The following POLR3G variants were observed in gnomAD, a reference collection of about 807,000 sequenced individuals.
The protein encoded by POLR3G is RNA polymerase III subunit G.
POLR3G carries 28 observed loss-of-function variants against 30.1 expected under a neutral mutation model. The ratio of observed to expected loss-of-function variants is 0.93; its 90% confidence interval spans 0.69 to 1.27. The LOEUF (loss-of-function observed/expected upper bound fraction) is 1.27, where lower values mean the gene tolerates loss of function less well. Ranked by LOEUF, POLR3G falls within the 50% of genes most tolerant of loss-of-function variation. The probability of loss-of-function intolerance (pLI) is 0.00; values close to 1 mark genes in which losing one functional copy is unlikely to be tolerated. For synonymous variants in POLR3G, 79 were observed against 82.5 expected (o/e 0.96, Z 0.23); for missense variants, 254 against 264.6 (o/e 0.96, Z 0.28).
chr5:90,486,107 TC>T (rs1223742484), intron 2 of POLR3G, among the ~76,000 whole-genome samples: 1 of 152,204 alleles, frequency 6.6e-6, no homozygotes, highest in Non-Finnish European at 1.5e-5. Flanking sequence ...CTTGACTTTT[TC>T]CCCCACTGAA....
At chr5:90,477,238 G>A (rs372797258) in intron 1 of POLR3G, among the ~76,000 whole-genome samples, 1 of 152,326 alleles carries the variant, frequency 6.6e-6, no homozygotes, top group East Asian at 1.9e-4. Context: ...GGCTTAAGTG[G>A]ATGTGGCAGG....
At chr5:90,495,961 A>T (rs921882459) in intron 4 of POLR3G, among the ~76,000 whole-genome samples, 1 of 151,148 alleles carries the variant, frequency 6.6e-6, no homozygotes, top group African/African-American at 2.4e-5. Flanking sequence ...ATATATATGT[A>T]TATTTTATTT....
At chr5:90,474,109 G>C (rs1392265213), upstream of POLR3G, 16 of 1,578,432 alleles carry the variant, frequency 1.0e-5, no homozygotes, top group Non-Finnish European at 1.4e-5. Context: ...TCCTGCAAGA[G>C]GCCGGAGGAG....
chr5:90,490,275 T>G (rs1004404110), intron 3 of POLR3G, among the ~76,000 whole-genome samples: 459 of 32,060 alleles, frequency 0.014, 5 homozygotes, highest in African/African-American at 0.04. Flanking sequence ...AATATAAGGG[T>G]TTTTTTTTTT....
chr5:90,490,031 C>T (rs140049466), intron 3 of POLR3G, among the ~76,000 whole-genome samples: 5 of 151,996 alleles, frequency 3.3e-5, no homozygotes, highest in African/African-American at 7.2e-5. Context: ...TGCTTGAACC[C>T]GAGAGGTGGA....
At chr5:90,506,449 A>G in intron 6 of POLR3G, 79 bp from the exon 7 acceptor site, 2 of 1,501,252 alleles carry the variant, frequency 1.3e-6, no homozygotes, top group Admixed American at 2.1e-5. Context: ...GGTGATAGAT[A>G]ACTGTTCCCT....
intron 5 of POLR3G, among the ~76,000 whole-genome samples, chr5:90,501,578 T>C (rs761901040): frequency 6.6e-6 from 1 of 152,204 alleles, no homozygotes; most frequent in Non-Finnish European, 1.5e-5. Flanking sequence ...CACTATACTC[T>C]TGGTACTTCT....
chr5:90,496,242 A>ATAG (rs1443537436), intron 4 of POLR3G, among the ~76,000 whole-genome samples: 2 of 152,212 alleles, frequency 1.3e-5, no homozygotes, highest in African/African-American at 4.8e-5. Flanking sequence ...TGCTGGGATT[A>ATAG]CAGGCATGAG....
Position 90,513,016 on chromosome 5 carries a change from A to C in POLR3G, c.*877A>C, listed in dbSNP as rs1752808008. 6.6e-6 allele frequency: 1 copy of C among 152,110 alleles called. No homozygotes were observed. The highest frequency in any genetic ancestry group is 1.5e-5 in the Non-Finnish European group (1 of 67,964). 9.4% of individuals were successfully genotyped at this position (152,110 alleles called of 1,614,324 possible). A position where few individuals can be genotyped will look rare whatever the true frequency, so the allele number is the denominator to read the frequency against. Reference sequence around the variant, plus strand: ...TATGTTTCAGAGTACTCAAGTGTACAATTGATTTATATAAAAATGCAAAAT... The same window carrying C: ...TATGTTTCAGAGTACTCAAGTGTACCATTGATTTATATAAAAATGCAAAAT... On this transcript the variant is annotated 3_prime_UTR_variant, in exon 8 of 8. Transcript: ENST00000651687.
chr5:90,478,016 G>A (rs1750922275), intron 1 of POLR3G, among the ~76,000 whole-genome samples: 1 of 152,188 alleles, frequency 6.6e-6, no homozygotes. Context: ...AATGTGAATT[G>A]GCCTTTTGTT....
chr5:90,511,448 C>T (rs1035632720), intron 7 of POLR3G, among the ~76,000 whole-genome samples: 2 of 151,606 alleles, frequency 1.3e-5, no homozygotes, highest in Non-Finnish European at 1.5e-5. Context: ...TACTGGAGGC[C>T]CGGAAAAATA....
intron 7 of POLR3G, among the ~76,000 whole-genome samples, chr5:90,510,530 AT>A (rs1195848398): frequency 1.3e-5 from 2 of 152,094 alleles, no homozygotes; most frequent in African/African-American, 4.8e-5. Flanking sequence ...TCTCCACTTT[AT>A]GTACAAATCG....
chr5:90,493,943 A>G (rs887846067), intron 3 of POLR3G, among the ~76,000 whole-genome samples: 5 of 151,528 alleles, frequency 3.3e-5, no homozygotes, highest in African/African-American at 1.2e-4. Flanking sequence ...CTCCTGACCT[A>G]TTAGCAATCT....
chr5:90,483,270 CCT>C (rs1338852088), intron 1 of POLR3G, among the ~76,000 whole-genome samples: 3 of 152,156 alleles, frequency 2.0e-5, no homozygotes, highest in East Asian at 1.9e-4. Context: ...TTGCAATTCC[CCT>C]GTCTTGATAA....
At chr5:90,494,377 A>G (rs1368280661) in intron 3 of POLR3G, among the ~76,000 whole-genome samples, 1 of 152,152 alleles carries the variant, frequency 6.6e-6, no homozygotes, top group African/African-American at 2.4e-5. Context: ...ATTCATGTAC[A>G]TGTTTTATGT....
intron 1 of POLR3G, among the ~76,000 whole-genome samples, chr5:90,484,128 G>C (rs549273689): frequency 6.6e-6 from 1 of 152,190 alleles, no homozygotes; most frequent in Non-Finnish European, 1.5e-5. Context: ...GATCTGGATT[G>C]ATTGGTTCAG....
chr5:90,496,300 G>A (rs530189710), intron 4 of POLR3G, among the ~76,000 whole-genome samples: 5 of 152,234 alleles, frequency 3.3e-5, no homozygotes, highest in African/African-American at 1.2e-4. Context: ...AATAGGACAG[G>A]CCAAACAAAC....
intron 7 of POLR3G, among the ~76,000 whole-genome samples, chr5:90,510,670 T>C (rs1752695887): frequency 6.6e-6 from 1 of 152,052 alleles, no homozygotes; most frequent in South Asian, 2.1e-4. Context: ...TGTCTAAATA[T>C]TGCCAAATTT....
intron 1 of POLR3G, 147 bp downstream of exon 1, chr5:90,475,167 C>A (rs1750731493): frequency 6.6e-6 from 1 of 152,268 alleles, no homozygotes; most frequent in African/African-American, 2.4e-5. Flanking sequence ...TAGCTTGGTA[C>A]CTCCCCTCCT....
Sources: allele counts gnomAD v4.1 joint callset (sites outside exome capture counted in the v4.1 genomes callset), GRCh38; gene constraint gnomAD v4.1.1; transcripts MANE v1.5; gene names NCBI Gene and HGNC (gene_info 2026-07-23, HGNC 2026-07-21).